TRIM55: variants seen among roughly 807,000 people sequenced by gnomAD.
TRIM55 encodes the protein tripartite motif-containing protein 55.
Under a neutral mutation model 60.9 loss-of-function variants are expected in TRIM55, and 50 were observed. The observed-to-expected ratio is 0.82, with a 90% CI of 0.65 to 1.04. The LOEUF is 1.04. Ranked by LOEUF, TRIM55 falls within the 50% of genes least tolerant of loss-of-function variation. The pLI is 0.00. For synonymous variants in TRIM55, 237 were observed against 238.1 expected (o/e 1.00, Z 0.04); for missense variants, 681 against 666.9 (o/e 1.02, Z -0.23).
intron 9 of TRIM55, among the ~76,000 whole-genome samples, chr8:66,158,745 CA>C (rs1810888387): frequency 6.6e-6 from 1 of 152,202 alleles, no homozygotes; most frequent in Non-Finnish European, 1.5e-5. Flanking sequence ...GAGTCCATTG[CA>C]TTTCTCAAAG....
chr8:66,121,844 A>T, the TRIM55 span, among the ~76,000 whole-genome samples: 16 of 152,068 alleles, frequency 1.1e-4, no homozygotes, highest in South Asian at 3.1e-3. Flanking sequence ...ATTTGTCTAA[A>T]TTTTTTCTTT....
chr8:66,150,282 T>A, intron 6 of TRIM55, 43 bp downstream of exon 6: 6 of 1,613,224 alleles, frequency 3.7e-6, no homozygotes, highest in Non-Finnish European at 4.2e-6. Flanking sequence ...ATTTTCACCT[T>A]TACCCAAGGC....
At chr8:66,117,818 A>G in the TRIM55 span, among the ~76,000 whole-genome samples, 2 of 152,130 alleles carry the variant, frequency 1.3e-5, no homozygotes, top group Non-Finnish European at 2.9e-5. Context: ...ACTTGTTGGG[A>G]CTGTCGCTGC....
In TRIM55 at chr8:66,137,196, T is replaced by C. The variant is rs1337359608; in HGVS notation, c.603+6T>C. 5.0e-6 allele frequency: 8 copies of C among 1,612,026 alleles called. No homozygotes were observed. Among genetic ancestry groups the C allele is most frequent in the Admixed American group, 1.7e-5 (1 of 59,974 alleles). ...ACACCTGCAAAACTATCGAGGTGAG[T>C]CAGGTGACTCCCACAGCGTCTCAAC... On this transcript the variant is annotated splice_donor_region_variant and intron_variant, in intron 4 of 9. Coordinates refer to ENST00000315962, the MANE Select transcript of TRIM55 (RefSeq NM_184085.2).
At chr8:66,160,733 G>A (rs1487214929) in intron 9 of TRIM55, among the ~76,000 whole-genome samples, 1 of 151,646 alleles carries the variant, frequency 6.6e-6, no homozygotes, top group Non-Finnish European at 1.5e-5. Context: ...AGGTGGTATC[G>A]CATTGTGGTT....
chr8:66,152,418 AAAG>A lies in TRIM55; in HGVS notation c.1031_1033del (p.Glu344del), dbSNP rs1810483930. ...AGAAGAAGAAGGCGGAGAAGGAGAA[AAAG>A]AAGGAGAAGGAGAAGTGGGAGGAGA... On this transcript the variant is annotated inframe_deletion, in exon 8 of 10. Transcript: ENST00000315962. 2 of 1,611,408 alleles carry A rather than the reference AAAG, an allele frequency of 1.2e-6. No homozygotes were observed. The highest frequency in any genetic ancestry group is 1.7e-6 in the Non-Finnish European group (2 of 1,178,274).
At chr8:66,139,212 G>A (rs528487175) in intron 4 of TRIM55, among the ~76,000 whole-genome samples, 4 of 152,334 alleles carry the variant, frequency 2.6e-5, no homozygotes, top group East Asian at 1.9e-4. Flanking sequence ...TGAGTCTTGA[G>A]TTTATAAATA....
intron 2 of TRIM55, among the ~76,000 whole-genome samples, chr8:66,129,276 C>T (rs1013834928): frequency 6.6e-6 from 1 of 152,128 alleles, no homozygotes; most frequent in Non-Finnish European, 1.5e-5. Flanking sequence ...AAGCTTATTC[C>T]TAGAAGGCAC....
At chr8:66,120,279 G>T in the TRIM55 span, among the ~76,000 whole-genome samples, 3 of 152,100 alleles carry the variant, frequency 2.0e-5, no homozygotes, top group African/African-American at 7.2e-5. Flanking sequence ...ATATAATAAA[G>T]AACTTAGCTG....
chr8:66,122,627 C>T (rs1301579045), upstream of TRIM55, among the ~76,000 whole-genome samples: 3 of 152,080 alleles, frequency 2.0e-5, no homozygotes, highest in African/African-American at 7.2e-5. Context: ...GATTCTAAGC[C>T]CCCCAACTCA....
chr8:66,120,404 A>G, the TRIM55 span, among the ~76,000 whole-genome samples: 3 of 152,224 alleles, frequency 2.0e-5, no homozygotes, highest in African/African-American at 7.2e-5. Flanking sequence ...TGAGATAACT[A>G]TGGACGGGGA....
intron 9 of TRIM55, among the ~76,000 whole-genome samples, chr8:66,166,783 G>A (rs1308186287): frequency 3.3e-5 from 5 of 152,118 alleles, no homozygotes; most frequent in East Asian, 1.9e-4. Context: ...TTGATCTCTC[G>A]TCCTCCACCA....
chr8:66,146,640 T>C (rs2128978697), intron 4 of TRIM55, among the ~76,000 whole-genome samples: 1 of 152,352 alleles, frequency 6.6e-6, no homozygotes, highest in South Asian at 2.1e-4. Context: ...ATGATCACAG[T>C]AGAGCTTCTA....
upstream of TRIM55, among the ~76,000 whole-genome samples, chr8:66,126,415 G>A (rs567973420): frequency 2.4e-4 from 36 of 152,154 alleles, no homozygotes; most frequent in Non-Finnish European, 5.1e-4. Context: ...AGAGGGCCAA[G>A]GAAGAGGAAA....
At chr8:66,114,405 C>G in the TRIM55 span, among the ~76,000 whole-genome samples, 3 of 152,166 alleles carry the variant, frequency 2.0e-5, no homozygotes. Flanking sequence ...TGGGCGCTAG[C>G]AGTTTATCCT....
intron 4 of TRIM55, among the ~76,000 whole-genome samples, chr8:66,148,540 A>G (rs1330905770): frequency 2.0e-5 from 3 of 152,208 alleles, no homozygotes; most frequent in Admixed American, 2.0e-4. Flanking sequence ...AATTGCATAG[A>G]GTTTGCAGTG....
At position 66,152,529 on chromosome 8, in the gene TRIM55, T is replaced by C. The variant is rs762143507; in HGVS notation, c.1138T>C (p.Ser380Pro). The change falls in exon 8 of 10, where the codon TCT becomes CCT. Residue 380 changes from serine (S) to proline (P), a missense_variant. Transcript: ENST00000315962. ...AAACCCAGAAAAAGCTTCAGAGCTCTCTCAGGTGGAGCTGCAGGCTGCCCC... is the reference window on the plus strand; with the variant it reads ...AAACCCAGAAAAAGCTTCAGAGCTCCCTCAGGTGGAGCTGCAGGCTGCCCC... ...DENPEKASEL[S>P]QVELQAAPGA... 4 of 1,614,054 alleles carry C rather than the reference T, an allele frequency of 2.5e-6. No individual in the cohort carries two copies. Among genetic ancestry groups the C allele is most frequent in the Non-Finnish European group, 2.5e-6 (3 of 1,180,032 alleles).
intron 1 of TRIM55, 64 bp downstream of exon 1, chr8:66,127,500 AGTGCTTAACATTGAG>A: frequency 6.4e-7 from 1 of 1,571,338 alleles, no homozygotes. Flanking sequence ...CTTGGAATCA[AGTGCTTAACATTGAG>A]GTGAAATCCT....
intron 3 of TRIM55, among the ~76,000 whole-genome samples, chr8:66,136,269 G>A (rs1178413735): frequency 6.6e-6 from 1 of 152,180 alleles, no homozygotes; most frequent in African/African-American, 2.4e-5. Flanking sequence ...AGACTGGTGG[G>A]ACCCTCACCC....
Sources: gnomAD v4.1 joint callset for allele counts (sites outside exome capture counted in the v4.1 genomes callset) on GRCh38, gnomAD v4.1.1 for gene constraint, MANE v1.5 for transcripts, NCBI Gene and HGNC (gene_info 2026-07-23, HGNC 2026-07-21) for gene names.